NFYC: variants seen among roughly 807,000 people sequenced by gnomAD.
NFYC encodes the protein CAAT box DNA-binding protein subunit C.
A neutral mutation model predicts 53.1 loss-of-function variants in NFYC; 25 were observed. The ratio of observed to expected loss-of-function variants is 0.47; its 90% CI spans 0.34 to 0.66. The LOEUF is 0.66. NFYC is among the 30% of genes least tolerant of loss of function. The pLI is 0.01. For synonymous variants in NFYC, 145 were observed against 152.6 expected, an observed-to-expected ratio of 0.95 and a Z score of 0.37; for missense variants, 260 against 422.7, an observed-to-expected ratio of 0.62 and a Z score of 3.38.
chr1:40,744,130 C>G (rs1267139534), intron 2 of NFYC, among the ~76,000 whole-genome samples: 2 of 152,210 alleles, frequency 1.3e-5, no homozygotes, highest in African/African-American at 4.8e-5. Context: ...TGAGCTCCAC[C>G]TCCTGTCAGA....
chr1:40,720,200 A>G (rs181943748), intron 1 of NFYC, among the ~76,000 whole-genome samples: 1 of 152,336 alleles, frequency 6.6e-6, no homozygotes, highest in Admixed American at 6.5e-5. Context: ...AACAGAGGGA[A>G]GAATTCACAG....
At chr1:40,733,885 A>G (rs978318639) in intron 1 of NFYC, among the ~76,000 whole-genome samples, 4 of 152,062 alleles carry the variant, frequency 2.6e-5, no homozygotes, top group Non-Finnish European at 4.4e-5. Flanking sequence ...CTGGGATTAT[A>G]AGCATGTGCC....
intron 2 of NFYC, among the ~76,000 whole-genome samples, chr1:40,747,262 G>C (rs1385815856): frequency 1.5e-5 from 2 of 135,318 alleles, no homozygotes; most frequent in Admixed American, 7.5e-5. Context: ...AAAAAAAACA[G>C]ATATTGCTTG....
chr1:40,757,000 A>G (rs2148725674), intron 5 of NFYC, among the ~76,000 whole-genome samples: 1 of 152,368 alleles, frequency 6.6e-6, no homozygotes, highest in Non-Finnish European at 1.5e-5. Flanking sequence ...GGTCAATACC[A>G]GCTTTGTAAA....
At chr1:40,753,852 A>G (rs1349308158) in intron 5 of NFYC, among the ~76,000 whole-genome samples, 2 of 152,130 alleles carry the variant, frequency 1.3e-5, no homozygotes, top group African/African-American at 4.8e-5. Context: ...CCACCACTTG[A>G]GCTGTTTTGC....
chr1:40,742,214 C>A (rs1183508073), intron 2 of NFYC, among the ~76,000 whole-genome samples: 1 of 151,642 alleles, frequency 6.6e-6, no homozygotes, highest in Non-Finnish European at 1.5e-5. Flanking sequence ...TCTGGCCTAT[C>A]CTTTTTTTTT....
chr1:40,765,351 T>C (rs951632625), intron 7 of NFYC, among the ~76,000 whole-genome samples: 1 of 152,238 alleles, frequency 6.6e-6, no homozygotes, highest in Non-Finnish European at 1.5e-5. Flanking sequence ...AATTCTGGAA[T>C]GGTCTACCGT....
At chr1:40,738,083 T>C in intron 1 of NFYC, among the ~76,000 whole-genome samples, 1 of 152,014 alleles carries the variant, frequency 6.6e-6, no homozygotes. Context: ...TTTGTATTTT[T>C]AGTAGAGACG....
chr1:40,749,587 A>G lies in NFYC; in HGVS notation c.192A>G (p.Glu64=), dbSNP rs756363774. ...GTCTGTTACAGATGATCAGTGCAGA[A>G]GCGCCTGTACTCTTTGCCAAGGCAG... ...LDEDVKMISA[E]APVLFAKAAQ... Residue 64 remains glutamate (E), a synonymous_variant, in exon 4 of 10, where the codon GAA becomes GAG. Transcript: ENST00000447388. 4.3e-6 allele frequency: 7 copies of G among 1,613,892 alleles called. No individual in the cohort carries two copies. The South Asian group carries it at 7.7e-5, about 18-fold the overall frequency.
rs182477754 is a variant in NFYC, at chr1:40,737,114, C to T, written c.-8-1722C>T. 7.8e-3 allele frequency among the ~76,000 whole-genome samples: 931 copies of T among 118,692 alleles called. 4 individuals carry two copies. Among genetic ancestry groups the T allele is most frequent in the Middle Eastern group, 0.021 (3 of 140 alleles). The allele number at this position is 118,692 out of a possible 152,430, so 77.9% of individuals were successfully genotyped here. ...TGCACTCCAGTCTGGGCAACAAGAG[C>T]GAAACTCTGTCTCAAAAAAAAAAAA... On this transcript the variant is annotated intron_variant, in intron 1 of 9. Coordinates refer to ENST00000447388, the MANE Select transcript of NFYC (RefSeq NM_014223.5).
rs183174406 is a variant in NFYC at position 40,716,676 on chromosome 1, G to T, written c.-8-22160G>T. Among the ~76,000 whole-genome samples, 133 of 152,224 alleles carry T rather than the reference G, an allele frequency of 8.7e-4. 1 individual carries two copies. In the Middle Eastern group the frequency reaches 0.01, roughly 12 times the overall value. ...AGGATTATTAGGAGGTTTAAAATAG[G>T]TAGTAACATAAAGGGCTTAGAATTG... On this transcript the variant is annotated intron_variant, in intron 1 of 9. Transcript: ENST00000447388.
At chr1:40,697,715 A>C (rs1279268902) in intron 1 of NFYC, among the ~76,000 whole-genome samples, 3 of 152,208 alleles carry the variant, frequency 2.0e-5, no homozygotes, top group Non-Finnish European at 4.4e-5. Context: ...TAGTCACTTG[A>C]GTAACGTTTT....
chr1:40,729,091 T>G (rs1019063292), intron 1 of NFYC, among the ~76,000 whole-genome samples: 3 of 152,216 alleles, frequency 2.0e-5, no homozygotes, highest in African/African-American at 7.2e-5. Flanking sequence ...GCTCCATTTA[T>G]AGAGCACAGG....
At chr1:40,712,712 C>A (rs1224837164) in intron 1 of NFYC, 1 of 117,324 alleles carries the variant, frequency 8.5e-6, no homozygotes, top group East Asian at 2.8e-4. Context: ...GTTGCCAAGG[C>A]TGGTGTGCCA....
intron 1 of NFYC, among the ~76,000 whole-genome samples, chr1:40,717,197 T>G (rs996833826): frequency 6.6e-6 from 1 of 152,166 alleles, no homozygotes; most frequent in Non-Finnish European, 1.5e-5. Flanking sequence ...GTGCTACATG[T>G]CAAACATGGA....
At position 40,753,222 on chromosome 1, in the gene NFYC, T is replaced by G; in HGVS notation, c.363T>G (p.Asp121Glu). Reference sequence around the variant, plus strand: ...TTCTCATCGATATTGTTCCAAGAGATGAACTGAAACCTCCAAAGCGTCAGG... The same window carrying G: ...TTCTCATCGATATTGTTCCAAGAGAGGAACTGAAACCTCCAAAGCGTCAGG... ...FDFLIDIVPR[D>E]ELKPPKRQEE... The change falls in exon 5 of 10, where the codon GAT becomes GAG. Residue 121 changes from aspartate (D) to glutamate (E), a missense_variant. Transcript: ENST00000447388. 1 of 1,613,976 alleles carries G rather than the reference T, an allele frequency of 6.2e-7. No individual in the cohort carries two copies.
chr1:40,763,343 A>T (rs764811137), intron 7 of NFYC: 1 of 460,446 alleles, frequency 2.2e-6, no homozygotes, highest in South Asian at 1.5e-5. Context: ...ACGCATGCAT[A>T]ATCCTTTTTT....
chr1:40,692,024 T>C, intron 1 of NFYC, 157 bp downstream of exon 1: 2 of 205,840 alleles, frequency 9.7e-6, no homozygotes, highest in South Asian at 4.3e-5. Context: ...TGCTCTTGCC[T>C]GGCCCGCTGC....
chr1:40,707,186 AT>A lies in NFYC; in HGVS notation c.-9+15326del, dbSNP rs547256459. On this transcript the variant is annotated intron_variant, in intron 1 of 9. Transcript: ENST00000447388. ...CTCTGCCTCAAAAAAAAAAAAGAAAATTTTTTTATATATATATGGTAGAAGG... is the reference window on the plus strand; with the variant it reads ...CTCTGCCTCAAAAAAAAAAAAGAAAATTTTTTATATATATATGGTAGAAGG... 5.3e-4 allele frequency among the ~76,000 whole-genome samples: 79 copies of A among 150,420 alleles called. 1 individual carries two copies. Among genetic ancestry groups the A allele is most frequent in the African/African-American group, 1.8e-3 (74 of 40,872 alleles).
Sources: gnomAD v4.1 joint callset for allele counts (sites outside exome capture counted in the v4.1 genomes callset) on GRCh38, gnomAD v4.1.1 for gene constraint, MANE v1.5 for transcripts, NCBI Gene and HGNC (gene_info 2026-07-23, HGNC 2026-07-21) for gene names.